SLC37A3: variants seen among roughly 807,000 people sequenced by gnomAD.
SLC37A3 encodes sugar phosphate exchanger 3.
In SLC37A3, 51 loss-of-function variants were observed where a neutral mutation model predicts 67.1. That is an observed-to-expected ratio of 0.76 (90% confidence interval 0.61 to 0.96). The LOEUF (loss-of-function observed/expected upper bound fraction) is 0.96. Among genes scored for constraint, SLC37A3 ranks in the 40% least tolerant of loss-of-function variants. The pLI is 0.00. For missense variants in SLC37A3, 508 were observed against 603.0 expected (o/e 0.84, Z 1.65); for synonymous variants, 214 against 231.4 (o/e 0.92, Z 0.68).
At chr7:140,393,876 T>C (rs1397331984) in intron 1 of SLC37A3, among the ~76,000 whole-genome samples, 1 of 152,080 alleles carries the variant, frequency 6.6e-6, no homozygotes, top group Non-Finnish European at 1.5e-5. Context: ...GAACGATCAA[T>C]AAAGATTTTT....
At chr7:140,376,960 T>G (rs1798054706) in intron 3 of SLC37A3, among the ~76,000 whole-genome samples, 1 of 117,472 alleles carries the variant, frequency 8.5e-6, no homozygotes, top group African/African-American at 2.9e-5. Context: ...TTTTTTTTTT[T>G]TGAGACAGAG....
At chr7:140,391,345 A>G (rs548189270) in intron 1 of SLC37A3, among the ~76,000 whole-genome samples, 1 of 152,330 alleles carries the variant, frequency 6.6e-6, no homozygotes, top group South Asian at 2.1e-4. Flanking sequence ...ACTTGAGATC[A>G]GGAGCTCGAG....
At chr7:140,388,358 G>A (rs1198755652) in intron 1 of SLC37A3, among the ~76,000 whole-genome samples, 1 of 150,788 alleles carries the variant, frequency 6.6e-6, no homozygotes, top group Non-Finnish European at 1.5e-5. Flanking sequence ...ACTTGAGCCT[G>A]GGAGGTAGCG....
At chr7:140,343,161 C>T (rs143220548) in intron 13 of SLC37A3, among the ~76,000 whole-genome samples, 2 of 152,226 alleles carry the variant, frequency 1.3e-5, no homozygotes, top group African/African-American at 2.4e-5. Context: ...GTCTGTCTTA[C>T]GAGGTCTTAG....
chr7:140,353,904 G>T (rs952379391), intron 7 of SLC37A3, among the ~76,000 whole-genome samples: 1 of 152,028 alleles, frequency 6.6e-6, no homozygotes, highest in Non-Finnish European at 1.5e-5. Flanking sequence ...TAGAGACAGG[G>T]TTTCATCATG....
intron 5 of SLC37A3, among the ~76,000 whole-genome samples, chr7:140,363,294 C>T (rs1203148510): frequency 1.1e-5 from 1 of 89,832 alleles, no homozygotes; most frequent in Non-Finnish European, 2.4e-5. Context: ...GGATGGTTGC[C>T]GGGTTTGTGT....
At chr7:140,349,186 G>C (rs1796696010) in intron 9 of SLC37A3, among the ~76,000 whole-genome samples, 1 of 152,138 alleles carries the variant, frequency 6.6e-6, no homozygotes, top group Admixed American at 6.6e-5. Flanking sequence ...GAAGCATCAC[G>C]GCCTTTACTG....
intron 4 of SLC37A3, among the ~76,000 whole-genome samples, chr7:140,365,442 C>G (rs1238291642): frequency 6.6e-6 from 1 of 151,806 alleles, no homozygotes; most frequent in Non-Finnish European, 1.5e-5. Context: ...AAAAATTGGC[C>G]GAGTGCAGTA....
chr7:140,381,650 A>G (rs1178865121), intron 2 of SLC37A3, among the ~76,000 whole-genome samples: 1 of 152,178 alleles, frequency 6.6e-6, no homozygotes, highest in Non-Finnish European at 1.5e-5. Flanking sequence ...TCTAACACCC[A>G]ATGGCCTGAT....
chr7:140,338,015 C>T (rs942109004), intron 13 of SLC37A3, among the ~76,000 whole-genome samples: 5 of 151,592 alleles, frequency 3.3e-5, no homozygotes, highest in African/African-American at 4.8e-5. Context: ...CTCAGCCTCC[C>T]GAGCAGCTGG....
Position 140,352,106 on chromosome 7 carries a change from C to A in SLC37A3, c.659G>T (p.Gly220Val), listed in dbSNP as rs1315400598. ...CAGGAGTCCAAAGAAGATAACGATC[C>A]CACCAGCAAACTGCACAGACGCCGT... ...LVTASVQFAG[G>V]IVIFFGLLVS... is the part of the protein sequence containing the mutation. The change falls in exon 8 of 15, where the codon GGG (glycine) becomes GTG (valine). Residue 220 changes from glycine to valine, a missense_variant. Coordinates refer to ENST00000326232, the MANE Select transcript of SLC37A3 (RefSeq NM_207113.3). 2 of 1,613,416 alleles carry A rather than the reference C, an allele frequency of 1.2e-6. No individual in the cohort carries two copies. Among genetic ancestry groups the A allele is most frequent in the Non-Finnish European group, 1.7e-6 (2 of 1,179,856 alleles).
At chr7:140,368,059 C>T (rs977170595) in intron 4 of SLC37A3, among the ~76,000 whole-genome samples, 2 of 152,008 alleles carry the variant, frequency 1.3e-5, no homozygotes, top group South Asian at 2.1e-4. Flanking sequence ...AGTTATCCAC[C>T]TGCCTCGGTC....
At chr7:140,349,916 G>C (rs1796725043) in intron 9 of SLC37A3, among the ~76,000 whole-genome samples, 1 of 152,148 alleles carries the variant, frequency 6.6e-6, no homozygotes, top group African/African-American at 2.4e-5. Context: ...CATAAGAACA[G>C]GTCTAAAGCA....
rs756759286 is a variant in SLC37A3 at position 140,369,623 on chromosome 7, T to C, written c.258A>G (p.Thr86=). Residue 86 remains threonine, a synonymous_variant, in exon 4 of 15, where the codon ACA becomes ACG. Transcript: ENST00000326232. ...AGGAGAAGAGGAAAATGGTATCCAGTGTGCCGAGGAAAAGAGTCGCTTTCT... is the reference window on the plus strand; with the variant it reads ...AGGAGAAGAGGAAAATGGTATCCAGCGTGCCGAGGAAAAGAGTCGCTTTCT... ...SAEKATLFLG[T]LDTIFLFSYA... is the part of the protein sequence containing the mutation. 3.7e-6 allele frequency: 6 copies of C among 1,614,098 alleles called. No homozygotes were observed. The highest frequency in any genetic ancestry group is 5.1e-6 in the Non-Finnish European group (6 of 1,179,994).
intron 3 of SLC37A3, among the ~76,000 whole-genome samples, chr7:140,370,797 G>A (rs1014727510): frequency 6.6e-6 from 1 of 152,078 alleles, no homozygotes; most frequent in Admixed American, 6.6e-5. Context: ...ACAATGTCTT[G>A]CCAACTTTAT....
At chr7:140,388,671 C>T (rs1012237215) in intron 1 of SLC37A3, among the ~76,000 whole-genome samples, 5 of 150,952 alleles carry the variant, frequency 3.3e-5, no homozygotes, top group African/African-American at 9.8e-5. Flanking sequence ...ATTAGTTGGG[C>T]GTGGTAGCGG....
chr7:140,348,943 C>T (rs76495237), intron 9 of SLC37A3, among the ~76,000 whole-genome samples, 176 bp from the exon 10 acceptor site: 2,989 of 152,342 alleles, frequency 0.02, 39 homozygotes, highest in Non-Finnish European at 0.03. Context: ...TCTCCCTCTG[C>T]TCTTCATCCC....
chr7:140,362,418 TGGGG>T (rs200795551), intron 5 of SLC37A3, among the ~76,000 whole-genome samples: 4 of 102,750 alleles, frequency 3.9e-5, no homozygotes, highest in African/African-American at 4.1e-5. Context: ...GGGAGGGAGG[TGGGG>T]GGGGGGGTCA....
Position 140,382,585 on chromosome 7 carries a change from C to A in SLC37A3, c.-59G>T. 2.1e-6 allele frequency: 3 copies of A among 1,435,004 alleles called. No homozygotes were observed. Among genetic ancestry groups the A allele is most frequent in the East Asian group, 2.3e-5 (1 of 44,032 alleles). The allele number at this position is 1,435,004 out of a possible 1,614,324, so 88.9% of individuals were successfully genotyped here. On this transcript the variant is annotated 5_prime_UTR_variant, in exon 2 of 15. The change abolishes an upstream ATG in the 5' untranslated region. Coordinates refer to ENST00000326232, the MANE Select transcript of SLC37A3 (RefSeq NM_207113.3). ...TAAGGTTTGGATGAGTGATTTACAT[C>A]ATTTCTTCCTTCTGGAAAGACAAAA...
Sources: allele counts gnomAD v4.1 joint callset (sites outside exome capture counted in the v4.1 genomes callset), GRCh38; gene constraint gnomAD v4.1.1; transcripts MANE v1.5; gene names NCBI Gene and HGNC (gene_info 2026-07-23, HGNC 2026-07-21).